The following CNTN5 variants were observed in gnomAD, a reference collection of about 807,000 sequenced individuals.
The protein encoded by CNTN5 is contactin-5.
CNTN5 carries 77 observed loss-of-function variants against 129.1 expected under a neutral mutation model. The ratio of observed to expected loss-of-function variants is 0.60; its 90% CI spans 0.50 to 0.72. The LOEUF (loss-of-function observed/expected upper bound fraction) is 0.72. CNTN5 is among the 30% of genes least tolerant of loss of function. CNTN5 has a pLI of 0.00. For missense variants in CNTN5, 1,478 were observed against 1,328.8 expected (o/e 1.11, Z -1.75); for synonymous variants, 509 against 465.6 (o/e 1.09, Z -1.20).
chr11:100,094,661 AG>A (rs1374461281), intron 13 of CNTN5, among the ~76,000 whole-genome samples: 2 of 151,696 alleles, frequency 1.3e-5, no homozygotes, highest in African/African-American at 4.8e-5. Context: ...GAGGGTGGAA[AG>A]AAAGAAGAAA....
intron 15 of CNTN5, among the ~76,000 whole-genome samples, chr11:100,195,994 C>T (rs7927762): frequency 0.75 from 113,566 of 151,830 alleles, 42,566 homozygotes; most frequent in East Asian, 0.89. Flanking sequence ...AGACCAAGGA[C>T]AGACTGTGGG....
chr11:100,337,037 A>T (rs1447105363), intron 21 of CNTN5: 19 of 936,504 alleles, frequency 2.0e-5, no homozygotes, highest in Middle Eastern at 3.3e-4. Flanking sequence ...TTGATTGATG[A>T]AGTGTTCAAA....
intron 2 of CNTN5, among the ~76,000 whole-genome samples, chr11:99,333,886 G>T (rs909410159): frequency 2.0e-5 from 3 of 151,706 alleles, no homozygotes; most frequent in Non-Finnish European, 4.4e-5. Context: ...TGACCTGCTT[G>T]GGTAGAAGAT....
rs574043583 is a variant in CNTN5 at position 99,239,661 on chromosome 11, C to A, written c.-209-85685C>A. Among the ~76,000 whole-genome samples, 9 of 152,260 alleles carry A rather than the reference C, an allele frequency of 5.9e-5. No homozygotes were observed. In the South Asian group the frequency reaches 1.0e-3, roughly 18 times the overall value. On this transcript the variant is annotated intron_variant, in intron 1 of 24. Coordinates refer to ENST00000524871, the MANE Select transcript of CNTN5 (RefSeq NM_014361.4). ...TCTCAAAAAGTCACATAAGGCCGGG[C>A]GCGGTGGCTCACGCCTGTAATCCCA...
chr11:100,350,132 T>C (rs1952373793), intron 23 of CNTN5, among the ~76,000 whole-genome samples: 1 of 151,906 alleles, frequency 6.6e-6, no homozygotes, highest in East Asian at 1.9e-4. Flanking sequence ...AAATTTTCAC[T>C]TTCAACTGTT....
chr11:99,847,925 T>A, intron 6 of CNTN5, among the ~76,000 whole-genome samples: 1 of 152,026 alleles, frequency 6.6e-6, no homozygotes, highest in African/African-American at 2.4e-5. Context: ...GAAAAATTAG[T>A]CCGCAGGCTG....
At chr11:99,364,862 C>T (rs1939345736) in intron 2 of CNTN5, among the ~76,000 whole-genome samples, 1 of 151,996 alleles carries the variant, frequency 6.6e-6, no homozygotes, top group African/African-American at 2.4e-5. Flanking sequence ...CCTAAAAGAT[C>T]CACAGGTGCT....
intron 2 of CNTN5, among the ~76,000 whole-genome samples, chr11:99,373,206 T>A (rs1939938628): frequency 6.6e-6 from 1 of 152,082 alleles, no homozygotes; most frequent in South Asian, 2.1e-4. Context: ...CGAAACTCCA[T>A]CTCATATAGT....
At position 99,432,439 on chromosome 11, in the gene CNTN5, C is replaced by CCTTTT. The variant is rs1176549750; in HGVS notation, c.-71+106975_-71+106979dup. ...TCTTTCTTTTCTTTTCCTTTTCTTT[C>CCTTTT]CTTTTCTTTTCTTTTCTTTTCTTTC... On this transcript the variant is annotated intron_variant, in intron 2 of 24. Coordinates refer to ENST00000524871, the MANE Select transcript of CNTN5 (RefSeq NM_014361.4). Among the ~76,000 whole-genome samples, 935 of 113,192 alleles carry CCTTTT rather than the reference C, an allele frequency of 8.3e-3. 13 individuals are homozygous for CCTTTT. The highest frequency in any genetic ancestry group is 0.026 in the African/African-American group (853 of 32,492). The allele number at this position is 113,192 out of a possible 152,430, so 74.3% of individuals were successfully genotyped here. A position where few individuals can be genotyped will look rare whatever the true frequency, so the allele number is the denominator to read the frequency against.
chr11:100,235,279 G>A (rs922124942), intron 16 of CNTN5, among the ~76,000 whole-genome samples: 5 of 152,108 alleles, frequency 3.3e-5, no homozygotes, highest in Admixed American at 2.6e-4. Context: ...GCTTTGGCGT[G>A]CCTTTTGAAT....
At chr11:99,740,105 G>A (rs1394969608) in intron 3 of CNTN5, among the ~76,000 whole-genome samples, 1 of 152,038 alleles carries the variant, frequency 6.6e-6, no homozygotes, top group Non-Finnish European at 1.5e-5. Flanking sequence ...ATAATCTTGA[G>A]GAAGAATGAT....
chr11:99,234,337 C>T (rs556798969), intron 1 of CNTN5, among the ~76,000 whole-genome samples: 1 of 152,226 alleles, frequency 6.6e-6, no homozygotes, highest in East Asian at 1.9e-4. Context: ...GTTTAAAATA[C>T]ATGAAGACAG....
intron 6 of CNTN5, among the ~76,000 whole-genome samples, chr11:99,849,082 T>TA (rs1364910455): frequency 6.6e-6 from 1 of 152,020 alleles, no homozygotes; most frequent in Non-Finnish European, 1.5e-5. Context: ...ATTATATTCA[T>TA]AAAAAAGGTA....
At chr11:100,233,926 G>A (rs1241738033) in intron 16 of CNTN5, among the ~76,000 whole-genome samples, 3 of 151,916 alleles carry the variant, frequency 2.0e-5, no homozygotes, top group African/African-American at 7.3e-5. Flanking sequence ...CTAATATCCA[G>A]AATCTACAAG....
chr11:99,256,444 A>G (rs1426767324), intron 1 of CNTN5, among the ~76,000 whole-genome samples: 1 of 152,078 alleles, frequency 6.6e-6, no homozygotes, highest in Admixed American at 6.6e-5. Context: ...TGAATTCAGC[A>G]TTTTATATAT....
intron 3 of CNTN5, among the ~76,000 whole-genome samples, chr11:99,619,293 A>C (rs1226913639): frequency 1.3e-5 from 2 of 152,150 alleles, no homozygotes; most frequent in Non-Finnish European, 2.9e-5. Context: ...AATTTTTCAC[A>C]AAAGTTTACA....
intron 1 of CNTN5, among the ~76,000 whole-genome samples, chr11:99,226,994 C>T (rs1190946915): frequency 1.3e-5 from 2 of 152,116 alleles, no homozygotes; most frequent in African/African-American, 4.8e-5. Context: ...ATAATTATCA[C>T]AGTATCATTC....
intron 2 of CNTN5, among the ~76,000 whole-genome samples, chr11:99,544,632 C>G (rs1231231901): frequency 1.3e-5 from 2 of 152,062 alleles, no homozygotes; most frequent in Admixed American, 1.3e-4. Flanking sequence ...TATAGTGACT[C>G]TACTGAATTT....
chr11:99,685,202 C>A (rs551451857), intron 3 of CNTN5, among the ~76,000 whole-genome samples: 1 of 151,374 alleles, frequency 6.6e-6, no homozygotes, highest in African/African-American at 2.4e-5. Context: ...TGATTACTTT[C>A]TATGTTTTTT....
Sources: allele counts gnomAD v4.1 joint callset (sites outside exome capture counted in the v4.1 genomes callset), GRCh38; gene constraint gnomAD v4.1.1; transcripts MANE v1.5; gene names NCBI Gene and HGNC (gene_info 2026-07-23, HGNC 2026-07-21).